The following ARHGAP12 variants were observed in gnomAD, a reference collection of about 807,000 sequenced individuals.
ARHGAP12 encodes rho GTPase-activating protein 12.
Under a neutral mutation model 108.6 loss-of-function variants are expected in ARHGAP12, and 64 were observed. The ratio of observed to expected loss-of-function variants is 0.59; its 90% CI spans 0.48 to 0.73. ARHGAP12 has a LOEUF of 0.73. Among genes scored for constraint, ARHGAP12 ranks in the 30% least tolerant of loss-of-function variants. The pLI, the probability that ARHGAP12 is intolerant of heterozygous loss-of-function variation, is 0.00. For synonymous variants in ARHGAP12, 312 were observed against 337.2 expected, an observed-to-expected ratio of 0.93 and a Z score of 0.82; for missense variants, 940 against 1,005.9, an observed-to-expected ratio of 0.93 and a Z score of 0.89.
intron 6 of ARHGAP12, among the ~76,000 whole-genome samples, chr10:31,844,226 A>G (rs1001138694): frequency 6.6e-6 from 1 of 152,140 alleles, no homozygotes; most frequent in Non-Finnish European, 1.5e-5. Context: ...TAATTCAGTC[A>G]TATCTGTCAA....
At chr10:31,820,670 T>C (rs1303384661) in intron 11 of ARHGAP12, among the ~76,000 whole-genome samples, 182 bp from the exon 12 acceptor site, 1 of 150,010 alleles carries the variant, frequency 6.7e-6, no homozygotes, top group Non-Finnish European at 1.5e-5. Context: ...AATATATGAA[T>C]ACACAATTCA....
At chr10:31,851,119 A>G (rs1836662493) in intron 6 of ARHGAP12, among the ~76,000 whole-genome samples, 1 of 152,140 alleles carries the variant, frequency 6.6e-6, no homozygotes. Context: ...ATTAAAATAT[A>G]AAAATTATCT....
intron 1 of ARHGAP12, among the ~76,000 whole-genome samples, chr10:31,916,778 A>C (rs1322564833): frequency 2.0e-5 from 3 of 151,930 alleles, no homozygotes; most frequent in African/African-American, 7.2e-5. Context: ...CACCACATCT[A>C]GCTAATTTTT....
chr10:31,868,081 C>G (rs753913244), intron 3 of ARHGAP12, among the ~76,000 whole-genome samples: 54 of 151,926 alleles, frequency 3.6e-4, no homozygotes, highest in Admixed American at 6.6e-4. Flanking sequence ...ACACGTAATC[C>G]CAGCTACTTG....
At chr10:31,896,029 A>G (rs1159685026) in intron 3 of ARHGAP12, among the ~76,000 whole-genome samples, 1 of 152,114 alleles carries the variant, frequency 6.6e-6, no homozygotes. Flanking sequence ...CACAGGTGGG[A>G]AATGAACAAT....
chr10:31,901,255 G>A (rs534905422), intron 3 of ARHGAP12, among the ~76,000 whole-genome samples: 17 of 151,342 alleles, frequency 1.1e-4, no homozygotes, highest in South Asian at 2.1e-4. Flanking sequence ...AAACTGGTTG[G>A]ACTCAGTGGT....
chr10:31,893,343 T>C (rs1304242258), intron 3 of ARHGAP12, among the ~76,000 whole-genome samples: 1 of 151,970 alleles, frequency 6.6e-6, no homozygotes, highest in East Asian at 1.9e-4. Flanking sequence ...ATTGATAGAC[T>C]GCTAGCAAGA....
intron 3 of ARHGAP12, among the ~76,000 whole-genome samples, chr10:31,889,619 G>GTTTTTTTTTTTT (rs869116452): frequency 1.5e-5 from 1 of 66,422 alleles, no homozygotes; most frequent in Non-Finnish European, 2.6e-5. Context: ...AATTTTTCTC[G>GTTTTTTTTTTTT]TTTTTTTTTT....
In ARHGAP12 at chr10:31,808,756, A is replaced by G. The variant is rs1834912083; in HGVS notation, c.2264-5T>C. The G allele has an allele frequency of 6.2e-7, 1 of 1,612,906 alleles. No homozygotes were observed. The highest frequency in any genetic ancestry group is 1.1e-5 in the South Asian group (1 of 90,844). The stretch of plus-strand genomic sequence containing the variant: ...CTCGCTGTCTTGGTTCTTGCTCTGA[A>G]AAAAGATAATAACCAGATATTTTAC... On this transcript the variant is annotated splice_polypyrimidine_tract_variant and splice_region_variant and intron_variant, in intron 18 of 19. Coordinates refer to ENST00000344936, the MANE Select transcript of ARHGAP12 (RefSeq NM_018287.7).
intron 3 of ARHGAP12, among the ~76,000 whole-genome samples, chr10:31,881,966 G>A (rs1837982941): frequency 6.7e-6 from 1 of 148,694 alleles, no homozygotes; most frequent in African/African-American, 2.5e-5. Flanking sequence ...CCAGGCTGGA[G>A]TGCAGTGGCT....
Position 31,831,785 on chromosome 10 carries a change from C to A in ARHGAP12, c.1402G>T (p.Gly468Ter). The stretch of plus-strand genomic sequence containing the variant: ...GCAATTTTTGTTACATTTAATAATC[C>A]ATATTTCTCTTGATCCTATGGAACA... ...ASSPKDQEKY[G>*]LLNVTKIAEN... Residue 468 changes from glycine (G) to a stop codon, truncating the protein, a stop_gained, in exon 10 of 20, where the codon GGA becomes TGA. Coordinates refer to ENST00000344936, the MANE Select transcript of ARHGAP12 (RefSeq NM_018287.7). LOFTEE classifies it high-confidence loss of function. 1 of 1,579,452 alleles carries A rather than the reference C, an allele frequency of 6.3e-7. No individual in the cohort carries two copies. Among genetic ancestry groups the A allele is most frequent in the East Asian group, 2.3e-5 (1 of 43,962 alleles).
At chr10:31,918,652 G>A (rs1839665391) in intron 1 of ARHGAP12, among the ~76,000 whole-genome samples, 1 of 152,210 alleles carries the variant, frequency 6.6e-6, no homozygotes, top group African/African-American at 2.4e-5. Flanking sequence ...GCTGCAGTGG[G>A]CTGTGACTGT....
intron 9 of ARHGAP12, among the ~76,000 whole-genome samples, chr10:31,835,354 T>C (rs1424112757): frequency 1.3e-5 from 2 of 152,274 alleles, no homozygotes; most frequent in Admixed American, 6.5e-5. Flanking sequence ...CCATAAAATA[T>C]ATACAAACTT....
intron 6 of ARHGAP12, among the ~76,000 whole-genome samples, chr10:31,846,315 T>C (rs1836459196): frequency 6.6e-6 from 1 of 152,202 alleles, no homozygotes; most frequent in Non-Finnish European, 1.5e-5. Context: ...CTTTCTGTTG[T>C]TCTTTATTCA....
intron 3 of ARHGAP12, among the ~76,000 whole-genome samples, chr10:31,889,422 C>G (rs1184697782): frequency 6.6e-6 from 1 of 152,068 alleles, no homozygotes; most frequent in Non-Finnish European, 1.5e-5. Context: ...CAACACAAAA[C>G]AAATTTTACC....
At position 31,807,340 on chromosome 10, in the gene ARHGAP12, T is replaced by G. The variant is rs1194022465; in HGVS notation, c.*318A>C. On this transcript the variant is annotated 3_prime_UTR_variant, in exon 20 of 20. Transcript: ENST00000344936. ...CCAATTTCAGGGAAAAAAAATACAG[T>G]TTTCTTACCAAATTATCCAGTGTAT... 5.1e-6 allele frequency: 1 copy of G among 195,632 alleles called. No individual in the cohort carries two copies. Among genetic ancestry groups the G allele is most frequent in the African/African-American group, 2.3e-5 (1 of 43,316 alleles). 12.1% of individuals were successfully genotyped at this position (195,632 alleles called of 1,614,324 possible).
intron 19 of ARHGAP12, 65 bp downstream of exon 19, chr10:31,808,584 G>T: frequency 7.1e-7 from 1 of 1,417,138 alleles, no homozygotes; most frequent in Non-Finnish European, 9.8e-7. Context: ...AGTGACCCTG[G>T]CCCCACAGGC....
intron 9 of ARHGAP12, among the ~76,000 whole-genome samples, chr10:31,837,392 G>A (rs1184195986): frequency 6.6e-6 from 1 of 152,188 alleles, no homozygotes; most frequent in Admixed American, 6.5e-5. Context: ...GTAGATGCAT[G>A]TAGTCTCTAT....
chr10:31,832,461 G>A (rs1432848098), intron 9 of ARHGAP12, among the ~76,000 whole-genome samples: 1 of 152,158 alleles, frequency 6.6e-6, no homozygotes, highest in African/African-American at 2.4e-5. Flanking sequence ...GAAGGCAGAA[G>A]CCACTGCACT....
Sources: gnomAD v4.1 joint callset for allele counts (sites outside exome capture counted in the v4.1 genomes callset) on GRCh38, gnomAD v4.1.1 for gene constraint, MANE v1.5 for transcripts, NCBI Gene and HGNC (gene_info 2026-07-23, HGNC 2026-07-21) for gene names.